The following ZBTB7C variants were observed in gnomAD, a reference collection of about 807,000 sequenced individuals.
ZBTB7C encodes the protein zinc finger and BTB domain-containing protein 7C.
ZBTB7C carries 8 observed loss-of-function variants against 25.7 expected under a neutral mutation model. The ratio of observed to expected loss-of-function variants is 0.31; its 90% CI spans 0.18 to 0.56. ZBTB7C has a LOEUF of 0.56. Ranked by LOEUF, ZBTB7C falls within the 20% of genes least tolerant of loss-of-function variation. ZBTB7C has a pLI of 0.91. For missense variants in ZBTB7C, 824 were observed against 855.2 expected (o/e 0.96, Z 0.46); for synonymous variants, 394 against 369.0 (o/e 1.07, Z -0.78).
chr18:48,215,164 CATT>C (rs1490309154), intron 2 of ZBTB7C, among the ~76,000 whole-genome samples: 2 of 152,210 alleles, frequency 1.3e-5, no homozygotes, highest in Non-Finnish European at 2.9e-5. Flanking sequence ...TGGTCATCCT[CATT>C]ATTCAATCTT....
intron 1 of ZBTB7C, among the ~76,000 whole-genome samples, chr18:48,339,988 G>A (rs1356940180): frequency 6.6e-6 from 1 of 152,174 alleles, no homozygotes; most frequent in African/African-American, 2.4e-5. Flanking sequence ...GAGGTTAGAA[G>A]CCCCTTCGAA....
chr18:48,375,225 G>A (rs1314133117), intron 1 of ZBTB7C, among the ~76,000 whole-genome samples: 1 of 152,204 alleles, frequency 6.6e-6, no homozygotes, highest in East Asian at 1.9e-4. Flanking sequence ...TCCCAACCCA[G>A]ATGTGGGGGA....
intron 3 of ZBTB7C, among the ~76,000 whole-genome samples, chr18:48,154,343 T>C (rs1433572602): frequency 6.6e-6 from 1 of 151,606 alleles, no homozygotes; most frequent in Non-Finnish European, 1.5e-5. Flanking sequence ...GGGGGAGGAG[T>C]GCTCTGCAGG....
intron 2 of ZBTB7C, among the ~76,000 whole-genome samples, chr18:48,224,926 T>C (rs528514463): frequency 2.0e-5 from 3 of 152,372 alleles, no homozygotes; most frequent in Middle Eastern, 3.4e-3. Flanking sequence ...ATGTATAATA[T>C]ACATTTCCAT....
intron 2 of ZBTB7C, among the ~76,000 whole-genome samples, chr18:48,198,109 A>G (rs2042357962): frequency 1.3e-5 from 2 of 152,228 alleles, no homozygotes; most frequent in South Asian, 2.1e-4. Flanking sequence ...TCATTGTTAA[A>G]AACAATGGCT....
chr18:48,071,086 T>C (rs1475846762), intron 3 of ZBTB7C, among the ~76,000 whole-genome samples: 1 of 152,228 alleles, frequency 6.6e-6, no homozygotes, highest in Non-Finnish European at 1.5e-5. Flanking sequence ...GAACTTAATA[T>C]GTTTATGATA....
At chr18:48,374,444 C>T (rs1035608092) in intron 1 of ZBTB7C, 1 of 152,276 alleles carries the variant, frequency 6.6e-6, no homozygotes, top group Non-Finnish European at 1.5e-5. Flanking sequence ...GGCTGTCTGC[C>T]GTAGGCTCTA....
intron 3 of ZBTB7C, among the ~76,000 whole-genome samples, chr18:48,153,027 C>T (rs1027390272): frequency 6.6e-6 from 1 of 152,218 alleles, no homozygotes; most frequent in South Asian, 2.1e-4. Flanking sequence ...GCTTCTGGTG[C>T]CTGGGCAAGA....
In ZBTB7C at chr18:48,380,002, G is replaced by T. The variant is rs182618211; in HGVS notation, c.-304+29224C>A. On this transcript the variant is annotated intron_variant, in intron 1 of 4. Coordinates refer to ENST00000590800, the MANE Select transcript of ZBTB7C (RefSeq NM_001318841.2). ...ACTGTAACAGTGAATATAAGACAGA[G>T]AATAAGCATTTGTCAAAACCCACAG... 1.1e-3 allele frequency among the ~76,000 whole-genome samples: 164 copies of T among 152,236 alleles called. 1 individual carries two copies. Among genetic ancestry groups the T allele is most frequent in the African/African-American group, 3.9e-3 (161 of 41,562 alleles).
intron 1 of ZBTB7C, among the ~76,000 whole-genome samples, chr18:48,395,809 GAGA>G (rs2048018370): frequency 6.6e-6 from 1 of 152,148 alleles, no homozygotes; most frequent in African/African-American, 2.4e-5. Flanking sequence ...TCCAGAATCT[GAGA>G]AGAAGTAAAA....
At chr18:48,066,959 G>A (rs939299756) in intron 3 of ZBTB7C, among the ~76,000 whole-genome samples, 1 of 152,104 alleles carries the variant, frequency 6.6e-6, no homozygotes, top group Non-Finnish European at 1.5e-5. Flanking sequence ...AAAATTAGCC[G>A]GGCGTGGTGG....
chr18:48,113,131 A>C (rs953003797), intron 3 of ZBTB7C, among the ~76,000 whole-genome samples: 1 of 152,248 alleles, frequency 6.6e-6, no homozygotes, highest in Non-Finnish European at 1.5e-5. Context: ...TCCTGTTGCC[A>C]TGAAAATGGG....
In ZBTB7C at chr18:48,223,626, A is replaced by C. The variant is rs953741261; in HGVS notation, c.-78-37631T>G. Among the ~76,000 whole-genome samples, 6 of 152,164 alleles carry C rather than the reference A, an allele frequency of 3.9e-5. No homozygotes were observed. The East Asian group carries it at 1.2e-3, about 29-fold the overall frequency. The stretch of plus-strand genomic sequence containing the variant: ...AGGGGTGAGGATGGTGTCCCACCTT[A>C]CTTCTTCAATGGGTTGGCCATACAA... On this transcript the variant is annotated intron_variant, in intron 2 of 4. Transcript: ENST00000590800.
chr18:48,270,293 C>T, intron 2 of ZBTB7C, among the ~76,000 whole-genome samples: 1 of 124,416 alleles, frequency 8.0e-6, no homozygotes, highest in African/African-American at 3.1e-5. Flanking sequence ...GAGTCTCGCT[C>T]TGTTGCCAGG....
At chr18:48,366,225 G>C (rs899485929) in intron 1 of ZBTB7C, among the ~76,000 whole-genome samples, 1 of 152,180 alleles carries the variant, frequency 6.6e-6, no homozygotes, top group African/African-American at 2.4e-5. Flanking sequence ...TCAAACCAGT[G>C]GGGGAAAGAT....
chr18:48,226,135 C>T (rs1257430429), intron 2 of ZBTB7C, among the ~76,000 whole-genome samples: 1 of 152,196 alleles, frequency 6.6e-6, no homozygotes, highest in Non-Finnish European at 1.5e-5. Flanking sequence ...AGAGCAAACC[C>T]AACCAACCCA....
chr18:48,412,003 G>T (rs1028216891), upstream of ZBTB7C, among the ~76,000 whole-genome samples: 3 of 152,168 alleles, frequency 2.0e-5, no homozygotes, highest in African/African-American at 7.2e-5. Flanking sequence ...ACAGTTATCA[G>T]CCATGTATCC....
At chr18:48,103,051 A>G (rs2038891692) in intron 3 of ZBTB7C, among the ~76,000 whole-genome samples, 1 of 146,584 alleles carries the variant, frequency 6.8e-6, no homozygotes. Flanking sequence ...TATATTATAT[A>G]TATATCTTGT....
At chr18:48,251,030 C>A (rs2043840107) in intron 2 of ZBTB7C, among the ~76,000 whole-genome samples, 1 of 151,788 alleles carries the variant, frequency 6.6e-6, no homozygotes, top group African/African-American at 2.4e-5. Flanking sequence ...TCAAGACCAG[C>A]CTAAGCAACA....
Sources: gnomAD v4.1 joint callset for allele counts (sites outside exome capture counted in the v4.1 genomes callset) on GRCh38, gnomAD v4.1.1 for gene constraint, MANE v1.5 for transcripts, NCBI Gene and HGNC (gene_info 2026-07-23, HGNC 2026-07-21) for gene names.